The following IFNG-AS1 variants were observed in gnomAD, a reference collection of about 807,000 sequenced individuals.
IFNG-AS1 encodes IFNG antisense RNA 1 (non-protein coding).
Position 68,012,036 on chromosome 12 carries a change from A to G in IFNG-AS1, n.241+5890A>G, listed in dbSNP as rs547441823. Among the ~76,000 whole-genome samples, 3 of 152,244 alleles carry G rather than the reference A, an allele frequency of 2.0e-5. No homozygotes were observed. The South Asian group carries it at 6.2e-4, about 32-fold the overall frequency. ...CATGTGGGGGTGTTAATTTCATCAG[A>G]AAGAAAAATGAAAAAAGCCCGCCTC... On this transcript the variant is annotated intron_variant and non_coding_transcript_variant, in intron 3 of 5. Coordinates refer to ENST00000536914, the Ensembl canonical transcript of IFNG-AS1.
At chr12:68,009,966 A>G (rs1193626079) in intron 3 of IFNG-AS1, among the ~76,000 whole-genome samples, 1 of 152,252 alleles carries the variant, frequency 6.6e-6, no homozygotes, top group Non-Finnish European at 1.5e-5. Context: ...GAAAGTGTTG[A>G]TAGTTGATAT....
At chr12:68,011,688 C>T (rs748491171) in intron 3 of IFNG-AS1, among the ~76,000 whole-genome samples, 1 of 151,996 alleles carries the variant, frequency 6.6e-6, no homozygotes, top group Non-Finnish European at 1.5e-5. Context: ...ACCATCAGAC[C>T]GCAGCATGCT....
intron 2 of IFNG-AS1, among the ~76,000 whole-genome samples, chr12:68,003,627 G>A (rs556967589): frequency 9.3e-4 from 142 of 152,124 alleles, no homozygotes; most frequent in African/African-American, 3.3e-3. Context: ...TACAGAATCC[G>A]TATTAGGCCG....
At chr12:68,005,492 C>G (rs1012267294) in intron 2 of IFNG-AS1, among the ~76,000 whole-genome samples, 2 of 152,122 alleles carry the variant, frequency 1.3e-5, no homozygotes, top group Non-Finnish European at 2.9e-5. Flanking sequence ...CAAAAAAACC[C>G]AAAAACGAAA....
At chr12:68,013,413 G>C (rs561713600) in intron 3 of IFNG-AS1, 2 of 152,310 alleles carry the variant, frequency 1.3e-5, no homozygotes, top group Non-Finnish European at 1.5e-5. Flanking sequence ...TTTAACAGAT[G>C]AATGTGCAAT....
At chr12:67,995,722 CAAAA>C (rs34179056) in intron 1 of IFNG-AS1, among the ~76,000 whole-genome samples, 2 of 77,342 alleles carry the variant, frequency 2.6e-5, no homozygotes, top group African/African-American at 5.1e-5. Context: ...ACTCGGTCTC[CAAAA>C]AAAAAAAAAA....
At chr12:68,017,623 T>C (rs901237863) in intron 3 of IFNG-AS1, among the ~76,000 whole-genome samples, 27 of 152,256 alleles carry the variant, frequency 1.8e-4, no homozygotes, top group African/African-American at 6.3e-4. Flanking sequence ...GGTGGAGCCA[T>C]TTACCAAGGG....
At chr12:67,991,712 G>C (rs1278139831) in intron 1 of IFNG-AS1, among the ~76,000 whole-genome samples, 1 of 152,148 alleles carries the variant, frequency 6.6e-6, no homozygotes, top group Admixed American at 6.5e-5. Flanking sequence ...TCAGTACTTC[G>C]TACTGCAACT....
At chr12:68,016,007 C>T (rs1880146070) in intron 3 of IFNG-AS1, among the ~76,000 whole-genome samples, 2 of 152,098 alleles carry the variant, frequency 1.3e-5, no homozygotes, top group South Asian at 2.1e-4. Flanking sequence ...CTATCTCTCT[C>T]ATTCCTAATC....
At chr12:67,996,920 T>C (rs2120422522) in intron 2 of IFNG-AS1, among the ~76,000 whole-genome samples, 1 of 152,294 alleles carries the variant, frequency 6.6e-6, no homozygotes. Context: ...ACAATAAAAA[T>C]GTATTTCTGG....
At chr12:68,011,755 G>A (rs1223573823) in intron 3 of IFNG-AS1, among the ~76,000 whole-genome samples, 1 of 152,204 alleles carries the variant, frequency 6.6e-6, no homozygotes, top group East Asian at 1.9e-4. Flanking sequence ...GGATCAGCAA[G>A]GGCCAAAATC....
At chr12:68,004,369 T>C (rs768579629) in intron 2 of IFNG-AS1, among the ~76,000 whole-genome samples, 38 of 152,198 alleles carry the variant, frequency 2.5e-4, no homozygotes, top group Non-Finnish European at 2.2e-4. Context: ...CCTCAGGATC[T>C]TCCAAGCTTC....
At chr12:68,015,039 C>G (rs955303623) in intron 3 of IFNG-AS1, among the ~76,000 whole-genome samples, 1 of 152,108 alleles carries the variant, frequency 6.6e-6, no homozygotes, top group Non-Finnish European at 1.5e-5. Context: ...AGAACAAACA[C>G]AATTTTTGAG....
chr12:68,008,428 AAT>A (rs1879955520), intron 3 of IFNG-AS1, among the ~76,000 whole-genome samples: 1 of 151,980 alleles, frequency 6.6e-6, no homozygotes, highest in South Asian at 2.1e-4. Flanking sequence ...AAAAAAAAAA[AAT>A]ATGTAGAGAT....
chr12:67,992,336 A>T (rs952591407), intron 1 of IFNG-AS1, among the ~76,000 whole-genome samples: 2 of 152,192 alleles, frequency 1.3e-5, no homozygotes, highest in African/African-American at 4.8e-5. Flanking sequence ...AAAATTTATC[A>T]ATCTATTTTC....
At chr12:68,007,129 C>A (rs905540129) in intron 3 of IFNG-AS1, among the ~76,000 whole-genome samples, 1 of 152,168 alleles carries the variant, frequency 6.6e-6, no homozygotes, top group Non-Finnish European at 1.5e-5. Flanking sequence ...CAACACCACC[C>A]CTCCTTGTTG....
At chr12:68,011,373 G>A (rs185751405) in intron 3 of IFNG-AS1, among the ~76,000 whole-genome samples, 1 of 152,256 alleles carries the variant, frequency 6.6e-6, no homozygotes, top group East Asian at 1.9e-4. Context: ...ACCACTGTAA[G>A]TGCAGTCTTT....
rs558085956 is a variant in IFNG-AS1 at position 67,998,369 on chromosome 12, A to G, written n.184+2296A>G. The stretch of plus-strand genomic sequence containing the variant: ...ACACAATCCAAATAGGTTTTTCTTA[A>G]GTGAAAAAGAAAAAAGACAAAGTGC... On this transcript the variant is annotated intron_variant and non_coding_transcript_variant, in intron 2 of 5. Transcript: ENST00000536914. Among the ~76,000 whole-genome samples, 11 of 152,062 alleles carry G rather than the reference A, an allele frequency of 7.2e-5. No individual in the cohort carries two copies. The East Asian group carries it at 1.7e-3, about 24-fold the overall frequency.
At chr12:67,998,841 A>T (rs1879702106) in intron 2 of IFNG-AS1, among the ~76,000 whole-genome samples, 1 of 152,156 alleles carries the variant, frequency 6.6e-6, no homozygotes, top group Non-Finnish European at 1.5e-5. Context: ...AAGACCAAAG[A>T]CCAACAGGAA....
Sources: gnomAD v4.1 joint callset for allele counts (sites outside exome capture counted in the v4.1 genomes callset) on GRCh38, gnomAD v4.1.1 for gene constraint, MANE v1.5 for transcripts, NCBI Gene and HGNC (gene_info 2026-07-23, HGNC 2026-07-21) for gene names.